The following MTF2 variants were observed in gnomAD, a reference collection of about 807,000 sequenced individuals.
MTF2 encodes the protein metal response element binding transcription factor 2, also known as metal-response element-binding transcription factor 2.
Under a neutral mutation model 79.5 loss-of-function variants are expected in MTF2, and 11 were observed. That is an observed-to-expected ratio of 0.14 (90% CI 0.09 to 0.23). The LOEUF (loss-of-function observed/expected upper bound fraction) is 0.23. Among genes scored for constraint, MTF2 ranks in the 10% least tolerant of loss-of-function variants. The pLI is 1.00. For synonymous variants in MTF2, 208 were observed against 232.8 expected (o/e 0.89, Z 0.97); for missense variants, 486 against 711.2 (o/e 0.68, Z 3.60).
intron 9 of MTF2, among the ~76,000 whole-genome samples, chr1:93,126,398 C>T (rs1438566778): frequency 6.6e-6 from 1 of 151,902 alleles, no homozygotes; most frequent in Non-Finnish European, 1.5e-5. Context: ...TCACTTAAAG[C>T]AGTTCTGAGG....
In MTF2 at chr1:93,079,370, C is replaced by T. The variant is rs1654497099; in HGVS notation, c.-157C>T. 2.4e-6 allele frequency: 2 copies of T among 848,398 alleles called. No individual in the cohort carries two copies. Among genetic ancestry groups the T allele is most frequent in the African/African-American group, 3.3e-5 (2 of 60,640 alleles). 52.6% of individuals were successfully genotyped at this position (848,398 alleles called of 1,614,324 possible). A position where few individuals can be genotyped will look rare whatever the true frequency, so the allele number is the denominator to read the frequency against. On this transcript the variant is annotated 5_prime_UTR_variant, in exon 1 of 15. Coordinates refer to ENST00000370298, the MANE Select transcript of MTF2 (RefSeq NM_007358.4). Reference sequence around the variant, plus strand: ...TAAGAACGCTCATTCTACCCCCAACCCTTGTCTCCAAGGACCTCGGTTTGT... The same window carrying T: ...TAAGAACGCTCATTCTACCCCCAACTCTTGTCTCCAAGGACCTCGGTTTGT...
intron 1 of MTF2, among the ~76,000 whole-genome samples, chr1:93,105,887 G>T (rs1438548904): frequency 6.6e-6 from 1 of 152,080 alleles, no homozygotes; most frequent in Non-Finnish European, 1.5e-5. Context: ...TGTTGACCAG[G>T]CTGGTCTCAA....
chr1:93,104,677 CAAA>C (rs35746040), intron 1 of MTF2, among the ~76,000 whole-genome samples: 15 of 96,328 alleles, frequency 1.6e-4, no homozygotes, highest in South Asian at 3.5e-4. Flanking sequence ...GACTCCATCT[CAAA>C]AAAAAAAAAA....
chr1:93,095,843 A>T (rs1411620930), intron 1 of MTF2, among the ~76,000 whole-genome samples: 1 of 151,310 alleles, frequency 6.6e-6, no homozygotes, highest in African/African-American at 2.4e-5. Context: ...TTTAGTAGAG[A>T]TGGGGTTTCA....
chr1:93,097,465 A>G (rs1487213335), intron 1 of MTF2, among the ~76,000 whole-genome samples: 1 of 152,178 alleles, frequency 6.6e-6, no homozygotes, highest in Non-Finnish European at 1.5e-5. Flanking sequence ...TAAATTATTT[A>G]TTGTTATAAG....
rs1375131504 is a variant in MTF2, at chr1:93,079,630, C to T, written c.5+99C>T. ...AAGTATAAAAGGGAAAGATGGAGGA[C>T]CAAGGTGGGGGTGGGGGCTCCTGTA... On this transcript the variant is annotated intron_variant, in intron 1 of 14. Coordinates refer to ENST00000370298, the MANE Select transcript of MTF2 (RefSeq NM_007358.4). 16 of 1,458,750 alleles carry T rather than the reference C, an allele frequency of 1.1e-5. No individual in the cohort carries two copies. The East Asian group carries it at 3.6e-4, about 33-fold the overall frequency. 90.4% of individuals were successfully genotyped at this position (1,458,750 alleles called of 1,614,324 possible).
intron 9 of MTF2, chr1:93,120,886 A>G (rs774614095): frequency 7.8e-5 from 97 of 1,247,580 alleles, no homozygotes; most frequent in Middle Eastern, 3.1e-4. Context: ...AAATTTGTAG[A>G]AGGAGGAGGT....
intron 1 of MTF2, among the ~76,000 whole-genome samples, chr1:93,101,322 T>G (rs1423386442): frequency 6.6e-6 from 1 of 151,782 alleles, no homozygotes; most frequent in Non-Finnish European, 1.5e-5. Context: ...CTCCCAATCT[T>G]TTTATTGAGT....
intron 9 of MTF2, chr1:93,121,010 C>T (rs1656455561): frequency 9.6e-7 from 1 of 1,038,192 alleles, no homozygotes; most frequent in African/African-American, 1.7e-5. Flanking sequence ...TCCTTTTCTT[C>T]TAAGTTTTCT....
chr1:93,085,680 G>T (rs1177052944), intron 1 of MTF2, among the ~76,000 whole-genome samples: 1 of 151,964 alleles, frequency 6.6e-6, no homozygotes, highest in Admixed American at 6.6e-5. Context: ...TAGAAACGGG[G>T]TCTTGGTATG....
chr1:93,133,311 C>G (rs1647215998), intron 11 of MTF2, among the ~76,000 whole-genome samples: 1 of 152,012 alleles, frequency 6.6e-6, no homozygotes, highest in Non-Finnish European at 1.5e-5. Context: ...AGTAGTAAAT[C>G]CTTGAAACAT....
chr1:93,080,764 CTT>C (rs34251431), intron 1 of MTF2, among the ~76,000 whole-genome samples: 76 of 136,690 alleles, frequency 5.6e-4, no homozygotes, highest in South Asian at 1.1e-3. Context: ...TTGGGAATTC[CTT>C]TTTTTTTTTT....
chr1:93,079,326 G>T lies in MTF2; in HGVS notation c.-201G>T. ...ATGGCGAGGGGCTGTATTGAAGTGG[G>T]CTGTGTTTGAGGCCGGTGTAAGAAC... On this transcript the variant is annotated 5_prime_UTR_variant, in exon 1 of 15. Coordinates refer to ENST00000370298, the MANE Select transcript of MTF2 (RefSeq NM_007358.4). 1.6e-6 allele frequency: 1 copy of T among 628,656 alleles called. No homozygotes were observed. Among genetic ancestry groups the T allele is most frequent in the East Asian group, 2.7e-5 (1 of 36,470 alleles). The allele number at this position is 628,656 out of a possible 1,614,324, so 38.9% of individuals were successfully genotyped here. A position where few individuals can be genotyped will look rare whatever the true frequency, so the allele number is the denominator to read the frequency against.
intron 10 of MTF2, 53 bp from the exon 11 acceptor site, chr1:93,129,225 T>C: frequency 7.9e-7 from 1 of 1,265,880 alleles, no homozygotes. Flanking sequence ...TAGGGTCTAC[T>C]ATGTATATGT....
chr1:93,111,261 C>G (rs894157845), intron 3 of MTF2, among the ~76,000 whole-genome samples: 1 of 152,132 alleles, frequency 6.6e-6, no homozygotes, highest in Non-Finnish European at 1.5e-5. Flanking sequence ...ATGCAAAGTA[C>G]TTTTAAAAAT....
intron 1 of MTF2, among the ~76,000 whole-genome samples, chr1:93,091,904 A>G (rs138010443): frequency 2.6e-4 from 39 of 152,336 alleles, no homozygotes; most frequent in Non-Finnish European, 1.0e-4. Flanking sequence ...AGAGAAAACT[A>G]TATATAAAGT....
At chr1:93,100,467 G>A (rs1437811147) in intron 1 of MTF2, among the ~76,000 whole-genome samples, 1 of 152,078 alleles carries the variant, frequency 6.6e-6, no homozygotes, top group African/African-American at 2.4e-5. Flanking sequence ...ACCATGCCTG[G>A]CTAATTTTTT....
At chr1:93,129,835 C>T (rs1656847628) in intron 11 of MTF2, among the ~76,000 whole-genome samples, 1 of 152,100 alleles carries the variant, frequency 6.6e-6, no homozygotes, top group Admixed American at 6.5e-5. Context: ...AGTACAATGA[C>T]AGATAGATTT....
At chr1:93,110,171 C>T in intron 1 of MTF2, 59 bp from the exon 2 acceptor site, 4 of 1,448,666 alleles carry the variant, frequency 2.8e-6, no homozygotes, top group South Asian at 1.2e-5. Context: ...AAATATCCCA[C>T]TGGTATAAAA....
Sources: gnomAD v4.1 joint callset for allele counts (sites outside exome capture counted in the v4.1 genomes callset) on GRCh38, gnomAD v4.1.1 for gene constraint, MANE v1.5 for transcripts, NCBI Gene and HGNC (gene_info 2026-07-23, HGNC 2026-07-21) for gene names.